Variants in ZNF462 observed in about 807,000 individuals in gnomAD.
ZNF462 encodes the protein zinc finger protein 462, also known as zinc finger PBX1-interacting protein.
In ZNF462, 10 loss-of-function variants were observed where a neutral mutation model predicts 201.9. The ratio of observed to expected loss-of-function variants is 0.05; its 90% CI spans 0.03 to 0.08. The LOEUF is 0.08. Among genes scored for constraint, ZNF462 ranks in the 10% least tolerant of loss-of-function variants. The probability of loss-of-function intolerance (pLI) is 1.00; values close to 1 mark genes in which losing one functional copy is unlikely to be tolerated. For synonymous variants in ZNF462, 1,227 were observed against 1,193.3 expected, an observed-to-expected ratio of 1.03 and a Z score of -0.58; for missense variants, 2,523 against 3,168.3, an observed-to-expected ratio of 0.80 and a Z score of 4.89.
Position 106,899,839 on chromosome 9 carries a change from T to G in ZNF462, c.-30-23515T>G, listed in dbSNP as rs554393450. On this transcript the variant is annotated intron_variant, in intron 1 of 12. Transcript: ENST00000277225. ...CTTTTCTTTTTTTTTAATTTTAATT[T>G]TATTTAATTGTTTTACTTTTCCATA... Among the ~76,000 whole-genome samples the G allele has an allele frequency of 4.6e-5, 7 of 152,224 alleles. No individual in the cohort carries two copies. In the East Asian group the frequency reaches 9.7e-4, roughly 21 times the overall value.
Position 106,977,122 on chromosome 9 carries a change from C to T in ZNF462, c.6832+2849C>T, listed in dbSNP as rs1827064075. ...GACAGCCATGTATACCATCTGTGTC[C>T]CGGCCTGGCTTTGGTGTCCATCTCT... On this transcript the variant is annotated intron_variant, in intron 9 of 12. Coordinates refer to ENST00000277225, the MANE Select transcript of ZNF462 (RefSeq NM_021224.6). The surrounding 1 kb of genome is among the most constrained non-coding windows in gnomAD (Gnocchi z 4.6). Among the ~76,000 whole-genome samples the T allele has an allele frequency of 1.3e-5, 2 of 152,144 alleles. No homozygotes were observed. Among genetic ancestry groups the T allele is most frequent in the South Asian group, 4.1e-4 (2 of 4,826 alleles).
At chr9:106,961,038 A>G (rs936212068) in intron 7 of ZNF462, among the ~76,000 whole-genome samples, 2 of 152,094 alleles carry the variant, frequency 1.3e-5, no homozygotes, top group African/African-American at 4.8e-5. Context: ...TAATCCATGA[A>G]TACCTTCTCA....
chr9:106,889,913 T>G (rs1242977222), intron 1 of ZNF462, among the ~76,000 whole-genome samples: 1 of 152,242 alleles, frequency 6.6e-6, no homozygotes, highest in African/African-American at 2.4e-5. Flanking sequence ...TGTTATCCAT[T>G]CTTTCAGACA....
intron 1 of ZNF462, among the ~76,000 whole-genome samples, chr9:106,864,257 G>T (rs1300718434): frequency 6.6e-6 from 1 of 151,958 alleles, no homozygotes; most frequent in South Asian, 2.1e-4. Context: ...CGGCTGAGGA[G>T]CTGTCTCCAG....
chr9:106,936,011 TAGAA>T (rs1830615851), intron 6 of ZNF462, among the ~76,000 whole-genome samples: 1 of 152,214 alleles, frequency 6.6e-6, no homozygotes, highest in Non-Finnish European at 1.5e-5. Flanking sequence ...TTAAGGAAGT[TAGAA>T]AGGGCAAAGG....
In ZNF462 at chr9:106,890,159, T is replaced by C. The variant is rs1204062372; in HGVS notation, c.-31+26804T>C. Reference sequence around the variant, plus strand: ...ATTCTGCCTAAAAGTTTGTAAAATCTAGTGGTGGCATTTAGCTCTTTTGGC... The same window carrying C: ...ATTCTGCCTAAAAGTTTGTAAAATCCAGTGGTGGCATTTAGCTCTTTTGGC... On this transcript the variant is annotated intron_variant, in intron 1 of 12. Transcript: ENST00000277225. This position sits in a 1 kb window ranked among gnomAD's most constrained non-coding sequence, Gnocchi z 4.2. Among the ~76,000 whole-genome samples the C allele has an allele frequency of 6.6e-6, 1 of 152,256 alleles. No homozygotes were observed. The highest frequency in any genetic ancestry group is 1.5e-5 in the Non-Finnish European group (1 of 68,048).
chr9:106,958,285 C>T (rs1468584518), intron 7 of ZNF462, among the ~76,000 whole-genome samples: 1 of 152,088 alleles, frequency 6.6e-6, no homozygotes, highest in African/African-American at 2.4e-5. Flanking sequence ...TCACCTGCTC[C>T]CTGCTTAAAG....
rs1827307792 is a variant in ZNF462, at chr9:106,865,862, G to A, written c.-31+2507G>A. Among the ~76,000 whole-genome samples, 1 of 152,112 alleles carries A rather than the reference G, an allele frequency of 6.6e-6. No individual in the cohort carries two copies. Among genetic ancestry groups the A allele is most frequent in the Admixed American group, 6.5e-5 (1 of 15,282 alleles). ...GCTACCCTAGTCCACACACATTGAT[G>A]GGAGCTCTTCACATATTAGTTTTAG... On this transcript the variant is annotated intron_variant, in intron 1 of 12. Transcript: ENST00000277225. The surrounding 1 kb of genome is among the most constrained non-coding windows in gnomAD (Gnocchi z 4.1).
chr9:106,923,698 G>A lies in ZNF462; in HGVS notation c.220+95G>A. On this transcript the variant is annotated intron_variant, in intron 2 of 12. Coordinates refer to ENST00000277225, the MANE Select transcript of ZNF462 (RefSeq NM_021224.6). This position sits in a 1 kb window ranked among gnomAD's most constrained non-coding sequence, Gnocchi z 5.6. Reference sequence around the variant, plus strand: ...ATGGTTCTTAATATACGTGGCTTTTGCAGAGTTTCTTGTGCTTTGCTAGCC... The same window carrying A: ...ATGGTTCTTAATATACGTGGCTTTTACAGAGTTTCTTGTGCTTTGCTAGCC... 1 of 1,309,506 alleles carries A rather than the reference G, an allele frequency of 7.6e-7. No individual in the cohort carries two copies. Among genetic ancestry groups the A allele is most frequent in the Non-Finnish European group, 1.1e-6 (1 of 936,312 alleles). 81.1% of individuals were successfully genotyped at this position (1,309,506 alleles called of 1,614,324 possible). A position where few individuals can be genotyped will look rare whatever the true frequency, so the allele number is the denominator to read the frequency against.
chr9:106,873,588 G>A (rs1827693620), intron 1 of ZNF462, among the ~76,000 whole-genome samples: 1 of 152,186 alleles, frequency 6.6e-6, no homozygotes. Flanking sequence ...GGAACATGGT[G>A]CAGATTCTCT....
Position 106,913,420 on chromosome 9 carries a change from G to A in ZNF462, c.-30-9934G>A, listed in dbSNP as rs913533596. 6.6e-6 allele frequency among the ~76,000 whole-genome samples: 1 copy of A among 152,148 alleles called. No individual in the cohort carries two copies. Among genetic ancestry groups the A allele is most frequent in the Non-Finnish European group, 1.5e-5 (1 of 68,036 alleles). The stretch of plus-strand genomic sequence containing the variant: ...CATAGCACAAATCTCATCAGAGCCA[G>A]ACTTATGCCGGGCCCTGGGGATATA... On this transcript the variant is annotated intron_variant, in intron 1 of 12. Coordinates refer to ENST00000277225, the MANE Select transcript of ZNF462 (RefSeq NM_021224.6). The surrounding 1 kb of genome is among the most constrained non-coding windows in gnomAD (Gnocchi z 4.1).
At chr9:106,941,507 A>G (rs1830868222) in intron 7 of ZNF462, among the ~76,000 whole-genome samples, 1 of 152,192 alleles carries the variant, frequency 6.6e-6, no homozygotes, top group Non-Finnish European at 1.5e-5. Context: ...GCAATATATA[A>G]AAGGGATTCT....
At chr9:106,914,624 A>C (rs980456968) in intron 1 of ZNF462, among the ~76,000 whole-genome samples, 2 of 152,200 alleles carry the variant, frequency 1.3e-5, no homozygotes, top group African/African-American at 4.8e-5. Flanking sequence ...ATTTCTGAGT[A>C]CCTGTTGAGT....
At chr9:106,991,405 AAATT>A (rs1311955985) in intron 10 of ZNF462, among the ~76,000 whole-genome samples, 2 of 152,036 alleles carry the variant, frequency 1.3e-5, no homozygotes, top group Non-Finnish European at 2.9e-5. Flanking sequence ...TTATAAAACT[AAATT>A]AATGCAATAT....
intron 11 of ZNF462, among the ~76,000 whole-genome samples, chr9:107,004,887 G>C (rs1021982030): frequency 6.6e-6 from 1 of 151,838 alleles, no homozygotes; most frequent in Non-Finnish European, 1.5e-5. Context: ...CGAGCCCCTG[G>C]TAACCACCAT....
At position 106,962,326 on chromosome 9, in the gene ZNF462, G is replaced by A. The variant is rs1318654312; in HGVS notation, c.6428-9679G>A. Among the ~76,000 whole-genome samples the A allele has an allele frequency of 6.6e-6, 1 of 151,972 alleles. No homozygotes were observed. Among genetic ancestry groups the A allele is most frequent in the Non-Finnish European group, 1.5e-5 (1 of 67,950 alleles). ...GGAATGAAAGAGAGAAATGAATCAAGGATTTATTCTGATTTCATTGACTGG... is the reference window on the plus strand; with the variant it reads ...GGAATGAAAGAGAGAAATGAATCAAAGATTTATTCTGATTTCATTGACTGG... On this transcript the variant is annotated intron_variant, in intron 7 of 12. Coordinates refer to ENST00000277225, the MANE Select transcript of ZNF462 (RefSeq NM_021224.6). The surrounding 1 kb of genome is among the most constrained non-coding windows in gnomAD (Gnocchi z 4.6).
chr9:106,928,751 G>A lies in ZNF462; in HGVS notation c.4839G>A (p.Pro1613=), dbSNP rs749710680. ...TTGATGTCTTTTCCCAGTCGCCCCC[G>A]AAGCTGCCAGTCCCCCTCGAGCCCG... The part of the protein sequence containing the change: ...PEFDVFSQSP[P]KLPVPLEPEM... The change falls in exon 3 of 13, where the codon CCG becomes CCA. Residue 1613 remains proline (P), a synonymous_variant. Coordinates refer to ENST00000277225, the MANE Select transcript of ZNF462 (RefSeq NM_021224.6). This position sits in a 1 kb window ranked among gnomAD's most constrained non-coding sequence, Gnocchi z 9.3. The A allele has an allele frequency of 7.4e-6, 12 of 1,614,058 alleles. No homozygotes were observed. The East Asian group carries it at 1.1e-4, about 15-fold the overall frequency.
At position 106,938,872 on chromosome 9, in the gene ZNF462, C is replaced by T. The variant is rs1453736425; in HGVS notation, c.6236-44C>T. 1 of 1,551,158 alleles carries T rather than the reference C, an allele frequency of 6.4e-7. No individual in the cohort carries two copies. Among genetic ancestry groups the T allele is most frequent in the Non-Finnish European group, 8.7e-7 (1 of 1,146,192 alleles). On this transcript the variant is annotated intron_variant, in intron 6 of 12. Coordinates refer to ENST00000277225, the MANE Select transcript of ZNF462 (RefSeq NM_021224.6). The surrounding 1 kb of genome is among the most constrained non-coding windows in gnomAD (Gnocchi z 4.4). Reference sequence around the variant, plus strand: ...TTCCACCCTGGCCTTATACCCTTCTCCCCTCTTTTTCCTGTTCTATTTCTT... The same window carrying T: ...TTCCACCCTGGCCTTATACCCTTCTTCCCTCTTTTTCCTGTTCTATTTCTT...
chr9:106,935,663 C>CT lies in ZNF462; in HGVS notation c.6235+43dup, dbSNP rs1172602081. On this transcript the variant is annotated intron_variant, in intron 6 of 12. Transcript: ENST00000277225. The surrounding 1 kb of genome is among the most constrained non-coding windows in gnomAD (Gnocchi z 4.1). ...TGATGCACAAGTTCTTTAGCACTCT[C>CT]TGAGTTTGAAACCTGATGATCTTTA... is the stretch of plus-strand genomic sequence containing the variant. 2.6e-6 allele frequency: 4 copies of CT among 1,520,308 alleles called. No homozygotes were observed. The highest frequency in any genetic ancestry group is 3.7e-6 in the Non-Finnish European group (4 of 1,095,852). The allele number at this position is 1,520,308 out of a possible 1,614,324, so 94.2% of individuals were successfully genotyped here. A position where few individuals can be genotyped will look rare whatever the true frequency, so the allele number is the denominator to read the frequency against.
Sources: gnomAD v4.1 joint callset for allele counts (sites outside exome capture counted in the v4.1 genomes callset) on GRCh38, gnomAD v4.1.1 for gene constraint, Gnocchi (gnomAD v3.1) non-coding constraint, MANE v1.5 for transcripts, NCBI Gene and HGNC (gene_info 2026-07-23, HGNC 2026-07-21) for gene names.